SCAF8: variants seen among roughly 807,000 people sequenced by gnomAD.
SCAF8 encodes SR-related CTD associated factor 8.
In SCAF8, 23 loss-of-function variants were observed where a neutral mutation model predicts 140.5. The ratio of observed to expected loss-of-function variants is 0.16; its 90% CI spans 0.12 to 0.23. The LOEUF (loss-of-function observed/expected upper bound fraction) is 0.23, where lower values mean the gene tolerates loss of function less well. SCAF8 is among the 10% of genes least tolerant of loss of function. SCAF8 has a pLI of 1.00. For missense variants in SCAF8, 1,397 were observed against 1,555.7 expected (o/e 0.90, Z 1.72); for synonymous variants, 575 against 528.9 (o/e 1.09, Z -1.20).
intron 1 of SCAF8, among the ~76,000 whole-genome samples, chr6:154,748,966 G>C (rs531808043): frequency 6.6e-6 from 1 of 151,882 alleles, no homozygotes; most frequent in Non-Finnish European, 1.5e-5. Flanking sequence ...TTTTTGAGAC[G>C]GAGTTTTCTC....
At chr6:154,758,319 C>T (rs991287043) in intron 1 of SCAF8, among the ~76,000 whole-genome samples, 11 of 152,194 alleles carry the variant, frequency 7.2e-5, no homozygotes, top group African/African-American at 1.7e-4. Flanking sequence ...GTTTGGTTAA[C>T]GTCAGGATGC....
intron 6 of SCAF8, among the ~76,000 whole-genome samples, chr6:154,795,351 G>A (rs950028422): frequency 9.2e-5 from 14 of 152,044 alleles, no homozygotes; most frequent in Admixed American, 7.9e-4. Flanking sequence ...AATTTATTCT[G>A]TACCAAAATA....
At chr6:154,798,442 A>G (rs1777672455) in intron 6 of SCAF8, among the ~76,000 whole-genome samples, 1 of 151,492 alleles carries the variant, frequency 6.6e-6, no homozygotes, top group African/African-American at 2.4e-5. Context: ...TCTTCATCTC[A>G]GTTAATGGAA....
Position 154,802,086 on chromosome 6 carries a change from C to G in SCAF8, c.722C>G (p.Thr241Arg), listed in dbSNP as rs1426798706. The G allele has an allele frequency of 7.4e-6, 12 of 1,612,426 alleles. No homozygotes were observed. Among genetic ancestry groups the G allele is most frequent in the Non-Finnish European group, 1.0e-5 (12 of 1,179,052 alleles). The change falls in exon 7 of 20, where the codon ACA (threonine) becomes AGA (arginine). Residue 241 changes from threonine (T) to arginine (R), a missense_variant. Physicochemically the swap from Thr to Arg is moderately conservative, Grantham distance 71. Coordinates refer to ENST00000367178, the MANE Select transcript of SCAF8 (RefSeq NM_014892.5). ...TTGCAAGCTCTTACGGCACAACTTA[C>G]AGCTGCAGCTGCAGCTGCCAACACT... ...VQLQALTAQL[T>R]AAAAAANTLT...
chr6:154,832,464 TTCA>T lies in SCAF8; in HGVS notation c.2888_2890del (p.His963del), dbSNP rs1463048870. The T allele has an allele frequency of 7.4e-6, 12 of 1,614,120 alleles. No homozygotes were observed. Among genetic ancestry groups the T allele is most frequent in the Non-Finnish European group, 1.0e-5 (12 of 1,179,986 alleles). ...CCCCCATCGGTACTTGATTCAGCTCTTCATCCACCACCCCGTGGACCTTTTCCT... is the reference window on the plus strand; with the variant it reads ...CCCCCATCGGTACTTGATTCAGCTCTTCCACCACCCCGTGGACCTTTTCCT... On this transcript the variant is annotated inframe_deletion, in exon 20 of 20. Transcript: ENST00000367178.
intron 1 of SCAF8, among the ~76,000 whole-genome samples, chr6:154,747,064 A>AC (rs1778717908): frequency 6.6e-6 from 1 of 152,242 alleles, no homozygotes; most frequent in African/African-American, 2.4e-5. Flanking sequence ...TGCAGATTCT[A>AC]CTGATGGGTG....
At position 154,832,908 on chromosome 6, in the gene SCAF8, A is replaced by T; in HGVS notation, c.3329A>T (p.Tyr1110Phe). Reference sequence around the variant, plus strand: ...AGAGAGCATCGGGTTCTACCGGTCTATGGTGGTCCAAAAGGCTTACATGAA... The same window carrying T: ...AGAGAGCATCGGGTTCTACCGGTCTTTGGTGGTCCAAAAGGCTTACATGAA... ...DEREHRVLPV[Y>F]GGPKGLHEER... is the part of the protein sequence containing the mutation. Residue 1110 changes from tyrosine (Y) to phenylalanine (F), a missense_variant, in exon 20 of 20, where the codon TAT becomes TTT. Around this residue, in one of 5 missense-constraint regions of SCAF8, gnomAD observed 930 missense variants for 874.6 expected, o/e 1.06. Coordinates refer to ENST00000367178, the MANE Select transcript of SCAF8 (RefSeq NM_014892.5). 6.2e-6 allele frequency: 10 copies of T among 1,614,118 alleles called. No homozygotes were observed. The highest frequency in any genetic ancestry group is 8.5e-6 in the Non-Finnish European group (10 of 1,180,016).
intron 12 of SCAF8, among the ~76,000 whole-genome samples, chr6:154,813,061 T>G (rs1248239840): frequency 6.7e-6 from 1 of 149,934 alleles, no homozygotes; most frequent in Non-Finnish European, 1.5e-5. Context: ...AAAAATTAGT[T>G]CGGCAAGGTG....
At chr6:154,774,638 G>C (rs553645001) in intron 2 of SCAF8, among the ~76,000 whole-genome samples, 1 of 152,062 alleles carries the variant, frequency 6.6e-6, no homozygotes, top group Admixed American at 6.6e-5. Context: ...TAATATTATA[G>C]ATTTGAAAAT....
chr6:154,800,184 C>A (rs1562452877), intron 6 of SCAF8, among the ~76,000 whole-genome samples: 2 of 151,544 alleles, frequency 1.3e-5, no homozygotes, highest in East Asian at 3.9e-4. Context: ...TTACTACCTT[C>A]TGTTATGTTA....
intron 1 of SCAF8, among the ~76,000 whole-genome samples, chr6:154,756,390 C>T (rs1375978499): frequency 6.6e-6 from 1 of 152,186 alleles, no homozygotes; most frequent in Non-Finnish European, 1.5e-5. Flanking sequence ...ATATCACTCT[C>T]CCGCTCTACC....
intron 3 of SCAF8, among the ~76,000 whole-genome samples, chr6:154,782,116 A>G (rs74460474): frequency 0.18 from 27,557 of 152,134 alleles, 2,712 homozygotes; most frequent in South Asian, 0.32. Context: ...ATTGTGTCTT[A>G]GCTTTATAAG....
rs779138038 is a variant in SCAF8 at position 154,805,406 on chromosome 6, C to T, written c.901C>T (p.His301Tyr). ...VSESVNNSIFHQIAEQLQQQN... is the reference protein window; with the variant it reads ...VSESVNNSIFYQIAEQLQQQN... ...AGAATCTGTGAACAATTCCATTTTT[C>T]ATCAGATAGCAGAACAACTACAACA... The change falls in exon 9 of 20, where the codon CAT becomes TAT. Residue 301 changes from histidine (H) to tyrosine (Y), a missense_variant. Physicochemically the swap from His to Tyr is moderately conservative, Grantham distance 83. Transcript: ENST00000367178. 1 of 1,611,318 alleles carries T rather than the reference C, an allele frequency of 6.2e-7. No individual in the cohort carries two copies. Among genetic ancestry groups the T allele is most frequent in the Non-Finnish European group, 8.5e-7 (1 of 1,178,100 alleles).
chr6:154,802,176 A>G (rs753719615), intron 7 of SCAF8, 29 bp downstream of exon 7: 23 of 1,393,248 alleles, frequency 1.7e-5, no homozygotes, highest in South Asian at 9.8e-5. Context: ...GATCAAGTCT[A>G]TATGAATTAT....
intron 1 of SCAF8, among the ~76,000 whole-genome samples, chr6:154,768,622 A>C (rs1776649974): frequency 6.6e-6 from 1 of 152,198 alleles, no homozygotes; most frequent in South Asian, 2.1e-4. Context: ...TGATAAACTA[A>C]AATAAACTAG....
intron 1 of SCAF8, among the ~76,000 whole-genome samples, chr6:154,759,585 C>T (rs1158288714): frequency 6.6e-6 from 1 of 151,262 alleles, no homozygotes; most frequent in African/African-American, 2.4e-5. Context: ...GGATTCGTCA[C>T]AATAATCTTT....
At position 154,814,682 on chromosome 6, in the gene SCAF8, CAT is replaced by C. The variant is rs369490294; in HGVS notation, c.1421-1031_1421-1030del. Among the ~76,000 whole-genome samples the C allele has an allele frequency of 2.0e-3, 303 of 152,250 alleles. 1 individual carries two copies. The highest frequency in any genetic ancestry group is 6.7e-3 in the African/African-American group (280 of 41,524). ...GACATTGACATAAATCCAAATATAA[CAT>C]ATGAAAATTCTGCAAAGGTGTCAGC... On this transcript the variant is annotated intron_variant, in intron 12 of 19. Coordinates refer to ENST00000367178, the MANE Select transcript of SCAF8 (RefSeq NM_014892.5).
chr6:154,782,608 T>C (rs1442098946), intron 3 of SCAF8, among the ~76,000 whole-genome samples: 1 of 152,066 alleles, frequency 6.6e-6, no homozygotes, highest in Non-Finnish European at 1.5e-5. Context: ...GGTATACATA[T>C]ATACAGGGGA....
chr6:154,747,612 A>G (rs1422651929), intron 1 of SCAF8, among the ~76,000 whole-genome samples: 3 of 152,174 alleles, frequency 2.0e-5, no homozygotes, highest in East Asian at 3.8e-4. Flanking sequence ...CTCAGCAGTA[A>G]ACTTAGAAAC....
Sources: allele counts gnomAD v4.1 joint callset (sites outside exome capture counted in the v4.1 genomes callset), GRCh38; gene constraint gnomAD v4.1.1; regional missense constraint gnomAD v4.1.1; transcripts MANE v1.5; gene names NCBI Gene and HGNC (gene_info 2026-07-23, HGNC 2026-07-21).